Variants in DPP8 observed in about 807,000 individuals in gnomAD.
DPP8 encodes the protein DPP VIII.
DPP8 carries 31 observed loss-of-function variants against 107.5 expected under a neutral mutation model. The observed-to-expected ratio is 0.29, with a 90% CI of 0.22 to 0.39. The LOEUF is 0.39. Among genes scored for constraint, DPP8 ranks in the 10% least tolerant of loss-of-function variants. The probability of loss-of-function intolerance (pLI) is 1.00; values close to 1 mark genes in which losing one functional copy is unlikely to be tolerated. For missense variants in DPP8, 842 were observed against 1,076.1 expected (o/e 0.78, Z 3.04); for synonymous variants, 381 against 356.6 (o/e 1.07, Z -0.77).
intron 3 of DPP8, among the ~76,000 whole-genome samples, chr15:65,503,177 G>A (rs1276348003): frequency 6.6e-5 from 10 of 152,028 alleles, no homozygotes; most frequent in African/African-American, 2.2e-4. Context: ...GCGCGATCTC[G>A]GCTCACCGCA....
intron 7 of DPP8, among the ~76,000 whole-genome samples, chr15:65,486,279 G>A (rs746626234): frequency 6.6e-6 from 1 of 151,472 alleles, no homozygotes; most frequent in African/African-American, 2.4e-5. Flanking sequence ...GCGGGCGCCT[G>A]TAATCCCAGC....
chr15:65,480,397 G>A lies in DPP8; in HGVS notation c.1121C>T (p.Ala374Val), dbSNP rs535146964. The A allele has an allele frequency of 1.8e-5, 29 of 1,597,704 alleles. No homozygotes were observed. Among genetic ancestry groups the A allele is most frequent in the Non-Finnish European group, 2.0e-5 (24 of 1,174,216 alleles). The change falls in exon 10 of 20, where the codon GCT (alanine) becomes GTT (valine). Residue 374 changes from alanine to valine, a missense_variant and splice_region_variant. Ala to Val is a moderately conservative substitution (Grantham distance 64). Around this residue, in one of 2 missense-constraint regions of DPP8, gnomAD observed 663 missense variants for 758.0 expected, o/e 0.87. Transcript: ENST00000300141. The part of the protein sequence containing the change: ...RAGWTPEGKY[A>V]WSILLDRSQT... ...GGAGCGATCTAGTAGGATGGACCAAGCACTATTTAAATAAATAAAAGAGAA... is the reference window on the plus strand; with the variant it reads ...GGAGCGATCTAGTAGGATGGACCAAACACTATTTAAATAAATAAAAGAGAA...
chr15:65,451,839 C>T, intron 18 of DPP8, 121 bp downstream of exon 18: 1 of 995,412 alleles, frequency 1.0e-6, no homozygotes, highest in African/African-American at 1.7e-5. Flanking sequence ...GTGGGAGGAT[C>T]CTCTGAGCCC....
intron 3 of DPP8, among the ~76,000 whole-genome samples, chr15:65,505,214 G>C (rs2069807942): frequency 6.6e-6 from 1 of 151,646 alleles, no homozygotes; most frequent in Non-Finnish European, 1.5e-5. Flanking sequence ...AATTAGCTGG[G>C]CATGGTGGTG....
chr15:65,509,648 G>C (rs2070500807), intron 2 of DPP8, among the ~76,000 whole-genome samples: 1 of 152,184 alleles, frequency 6.6e-6, no homozygotes, highest in African/African-American at 2.4e-5. Context: ...CGAAATGCTT[G>C]TTACTAAATA....
rs568825764 is a variant in DPP8, at chr15:65,491,114, C to T, written c.716-815G>A. Reference sequence around the variant, plus strand: ...TGGAGGTTGCACTGAGCCAAGATCACAACACCACTCCCCTCCAGCCTGGGT... The same window carrying T: ...TGGAGGTTGCACTGAGCCAAGATCATAACACCACTCCCCTCCAGCCTGGGT... On this transcript the variant is annotated intron_variant, in intron 5 of 19. Coordinates refer to ENST00000300141, the MANE Select transcript of DPP8 (RefSeq NM_130434.5). 2.4e-3 allele frequency among the ~76,000 whole-genome samples: 306 copies of T among 127,812 alleles called. 3 individuals are homozygous for T. Among genetic ancestry groups the T allele is most frequent in the African/African-American group, 9.0e-3 (295 of 32,718 alleles). 83.8% of individuals were successfully genotyped at this position (127,812 alleles called of 152,430 possible). A position where few individuals can be genotyped will look rare whatever the true frequency, so the allele number is the denominator to read the frequency against.
intron 5 of DPP8, among the ~76,000 whole-genome samples, chr15:65,496,194 A>G (rs1336367454): frequency 5.3e-5 from 8 of 151,986 alleles, no homozygotes; most frequent in Admixed American, 1.3e-4. Flanking sequence ...TGTGTTAGCC[A>G]GGATGGTCTC....
intron 15 of DPP8, among the ~76,000 whole-genome samples, chr15:65,457,132 A>G (rs1448103166): frequency 6.6e-6 from 1 of 152,142 alleles, no homozygotes; most frequent in Non-Finnish European, 1.5e-5. Flanking sequence ...AAGCGGGTGG[A>G]TCACCTGAGG....
intron 19 of DPP8, among the ~76,000 whole-genome samples, chr15:65,449,211 A>G (rs2063784161): frequency 6.9e-6 from 1 of 145,668 alleles, no homozygotes; most frequent in Admixed American, 6.9e-5. Flanking sequence ...CTCCATCTCA[A>G]AAAGAAAAAA....
At position 65,499,609 on chromosome 15, in the gene DPP8, C is replaced by T. The variant is rs751042722; in HGVS notation, c.546+997G>A. 6.6e-5 allele frequency among the ~76,000 whole-genome samples: 10 copies of T among 152,166 alleles called. No individual in the cohort carries two copies. The East Asian group carries it at 9.7e-4, about 15-fold the overall frequency. On this transcript the variant is annotated intron_variant, in intron 4 of 19. Transcript: ENST00000300141. ...AGACAGGGACTTGCTCTGTCATCCA[C>T]GCTAAAGTGCAGCAGCACAATCTCG...
At chr15:65,467,996 C>T (rs926641101) in intron 12 of DPP8, among the ~76,000 whole-genome samples, 7 of 152,074 alleles carry the variant, frequency 4.6e-5, no homozygotes, top group Admixed American at 2.0e-4. Context: ...TGTGGAATAA[C>T]GGAACTAAAT....
chr15:65,514,729 C>T lies in DPP8; in HGVS notation c.-11-2165G>A, dbSNP rs532160356. 3.3e-5 allele frequency among the ~76,000 whole-genome samples: 5 copies of T among 152,288 alleles called. No individual in the cohort carries two copies. The South Asian group carries it at 1.0e-3, about 32-fold the overall frequency. On this transcript the variant is annotated intron_variant, in intron 1 of 19. Transcript: ENST00000300141. ...GTTTCACCATCTTGGCCAGGCTGGTCTTGAACTCCTGACCTCATGATCCAC... is the reference window on the plus strand; with the variant it reads ...GTTTCACCATCTTGGCCAGGCTGGTTTTGAACTCCTGACCTCATGATCCAC...
At chr15:65,491,722 T>C (rs1431259882) in intron 5 of DPP8, among the ~76,000 whole-genome samples, 1 of 152,200 alleles carries the variant, frequency 6.6e-6, no homozygotes, top group East Asian at 1.9e-4. Flanking sequence ...CTGGCTATTA[T>C]GACTAAAGAT....
chr15:65,452,147 G>T, intron 17 of DPP8, 45 bp from the exon 18 acceptor site: 1 of 1,575,314 alleles, frequency 6.3e-7, no homozygotes, highest in South Asian at 1.2e-5. Context: ...TGGAAAAAGA[G>T]AGTGGCTAGC....
intron 10 of DPP8, among the ~76,000 whole-genome samples, chr15:65,479,358 G>A (rs543015757): frequency 1.3e-4 from 20 of 152,158 alleles, no homozygotes; most frequent in Non-Finnish European, 2.8e-4. Flanking sequence ...TATAAATCTT[G>A]TTACAGAAAG....
chr15:65,465,524 AT>A (rs2065271150), intron 14 of DPP8, among the ~76,000 whole-genome samples: 1 of 150,358 alleles, frequency 6.7e-6, no homozygotes, highest in Non-Finnish European at 1.5e-5. Context: ...AGAAAAAAAG[AT>A]TGGAGATTAA....
At position 65,490,273 on chromosome 15, in the gene DPP8, T is replaced by C. The variant is rs776814920; in HGVS notation, c.742A>G (p.Arg248Gly). ...NELANMEEDA[R>G]SAGVATFVLQ... ...ACAAAGGTAGCGACTCCAGCTGATCTGGCATCTTCTTCCATGTTGGCTAGC... is the reference window on the plus strand; with the variant it reads ...ACAAAGGTAGCGACTCCAGCTGATCCGGCATCTTCTTCCATGTTGGCTAGC... Residue 248 changes from arginine to glycine, a missense_variant, in exon 6 of 20, where the codon AGA becomes GGA. Arg to Gly is a moderately radical substitution (Grantham distance 125). This residue lies in a region of DPP8 where 663 missense variants were observed against 758.0 expected (regional missense o/e 0.87). Transcript: ENST00000300141. 6.2e-7 allele frequency: 1 copy of C among 1,612,860 alleles called. No individual in the cohort carries two copies. Among genetic ancestry groups the C allele is most frequent in the East Asian group, 2.2e-5 (1 of 44,886 alleles).
In DPP8 at chr15:65,485,296, C is replaced by T. The variant is rs556669933; in HGVS notation, c.956-136G>A. 1,601 of 626,070 alleles carry T rather than the reference C, an allele frequency of 2.6e-3. 4 individuals carry two copies. Among genetic ancestry groups the T allele is most frequent in the Non-Finnish European group, 4.0e-3 (1,419 of 357,300 alleles). The allele number at this position is 626,070 out of a possible 1,614,324, so 38.8% of individuals were successfully genotyped here. A position where few individuals can be genotyped will look rare whatever the true frequency, so the allele number is the denominator to read the frequency against. ...CAGTGGCTCACGCCTGTAATCCCAG[C>T]ACTTTGGCAGGTTGAGGCAGGTGGA... On this transcript the variant is annotated intron_variant, in intron 7 of 19. Coordinates refer to ENST00000300141, the MANE Select transcript of DPP8 (RefSeq NM_130434.5).
chr15:65,514,761 T>C (rs1031251907), intron 1 of DPP8, among the ~76,000 whole-genome samples: 2 of 152,162 alleles, frequency 1.3e-5, no homozygotes, highest in African/African-American at 4.8e-5. Context: ...CCACCCGCCT[T>C]GGCCTCCCAA....
Sources: allele counts gnomAD v4.1 joint callset (sites outside exome capture counted in the v4.1 genomes callset), GRCh38; gene constraint gnomAD v4.1.1; regional missense constraint gnomAD v4.1.1; transcripts MANE v1.5; gene names NCBI Gene and HGNC (gene_info 2026-07-23, HGNC 2026-07-21).